CDH13: variants seen among roughly 807,000 people sequenced by gnomAD.
CDH13 encodes cadherin-13.
CDH13 carries 24 observed loss-of-function variants against 63.8 expected under a neutral mutation model. The ratio of observed to expected loss-of-function variants is 0.38; its 90% CI spans 0.27 to 0.53. CDH13 has a LOEUF of 0.53. CDH13 is among the 20% of genes least tolerant of loss of function. The pLI, the probability that CDH13 is intolerant of heterozygous loss-of-function variation, is 0.85. For synonymous variants in CDH13, 503 were observed against 355.3 expected (o/e 1.42, Z -4.67); for missense variants, 1,049 against 903.1 (o/e 1.16, Z -2.07).
At chr16:83,232,290 T>C (rs7193457) in intron 5 of CDH13, among the ~76,000 whole-genome samples, 142,570 of 144,746 alleles carry the variant, frequency 0.98, 70,256 homozygotes, top group Middle Eastern at 1. Flanking sequence ...CTTGGGAAGC[T>C]GAGGCGAGCA....
chr16:82,696,014 A>G (rs939932100), intron 1 of CDH13, among the ~76,000 whole-genome samples: 1 of 152,192 alleles, frequency 6.6e-6, no homozygotes. Flanking sequence ...TGTTTCTCTG[A>G]CAGTTACTTT....
chr16:83,000,929 ATGCCTATT>A (rs1912857350), intron 2 of CDH13, among the ~76,000 whole-genome samples: 7 of 152,150 alleles, frequency 4.6e-5, no homozygotes, highest in Admixed American at 2.6e-4. Context: ...TACTCATTCT[ATGCCTATT>A]TGCTTTTCTC....
chr16:83,200,963 G>C (rs1352163159), intron 4 of CDH13, among the ~76,000 whole-genome samples: 1 of 145,672 alleles, frequency 6.9e-6, no homozygotes. Context: ...GTGTGTGTGT[G>C]TGTGTGTGTT....
chr16:83,731,185 T>C (rs992375134), intron 10 of CDH13, among the ~76,000 whole-genome samples: 1 of 152,248 alleles, frequency 6.6e-6, no homozygotes, highest in Admixed American at 6.5e-5. Context: ...CACCCAGTAG[T>C]AGGATTGCTG....
chr16:83,017,042 T>C (rs1304250205), intron 2 of CDH13, among the ~76,000 whole-genome samples: 2 of 152,186 alleles, frequency 1.3e-5, no homozygotes, highest in African/African-American at 4.8e-5. Context: ...TTGATAAAAG[T>C]TATAGACAGA....
intron 8 of CDH13, among the ~76,000 whole-genome samples, chr16:83,669,319 G>A (rs1392793699): frequency 6.6e-6 from 1 of 152,122 alleles, no homozygotes; most frequent in African/African-American, 2.4e-5. Flanking sequence ...AATAGGACTC[G>A]GGAAGTTTTT....
intron 2 of CDH13, among the ~76,000 whole-genome samples, chr16:82,934,209 G>A (rs768724239): frequency 6.6e-5 from 10 of 152,302 alleles, no homozygotes; most frequent in Middle Eastern, 6.8e-3. Context: ...CTGAAGTCTA[G>A]GCAGATGTTC....
chr16:82,763,259 G>A (rs1026533208), intron 1 of CDH13, among the ~76,000 whole-genome samples: 2 of 152,128 alleles, frequency 1.3e-5, no homozygotes, highest in African/African-American at 2.4e-5. Context: ...CGTGCCTCCT[G>A]TCTCCTATCA....
intron 2 of CDH13, among the ~76,000 whole-genome samples, chr16:82,876,978 C>T (rs149797493): frequency 1.3e-5 from 2 of 152,262 alleles, no homozygotes; most frequent in Non-Finnish European, 2.9e-5. Flanking sequence ...AGCTCATATA[C>T]TATACAGTAA....
At chr16:83,076,493 C>T (rs537677056) in intron 3 of CDH13, among the ~76,000 whole-genome samples, 11 of 152,170 alleles carry the variant, frequency 7.2e-5, no homozygotes, top group African/African-American at 2.6e-4. Context: ...TGAACCGTGA[C>T]GTTTCCAGTA....
At chr16:83,695,090 C>G (rs915695882) in intron 10 of CDH13, among the ~76,000 whole-genome samples, 1 of 152,024 alleles carries the variant, frequency 6.6e-6, no homozygotes, top group Non-Finnish European at 1.5e-5. Context: ...GCCCATAGTC[C>G]CAGCTATTCA....
chr16:83,470,724 C>T (rs1423240014), intron 6 of CDH13, among the ~76,000 whole-genome samples: 4 of 152,250 alleles, frequency 2.6e-5, no homozygotes, highest in Non-Finnish European at 5.9e-5. Context: ...CAGAGCTGCA[C>T]GTCCTCTGCC....
intron 2 of CDH13, among the ~76,000 whole-genome samples, chr16:83,018,342 C>T (rs962719555): frequency 2.0e-5 from 3 of 152,214 alleles, no homozygotes; most frequent in East Asian, 1.9e-4. Flanking sequence ...CTTTAGTTGC[C>T]GTTTATCCCT....
At chr16:82,905,378 A>C (rs950043683) in intron 2 of CDH13, among the ~76,000 whole-genome samples, 4 of 152,116 alleles carry the variant, frequency 2.6e-5, no homozygotes, top group African/African-American at 9.7e-5. Context: ...AAGGAGGAAG[A>C]AGTTACCATA....
chr16:82,959,289 A>G (rs1906598267), intron 2 of CDH13, among the ~76,000 whole-genome samples: 1 of 152,238 alleles, frequency 6.6e-6, no homozygotes, highest in Non-Finnish European at 1.5e-5. Flanking sequence ...TAATTAAAGG[A>G]CATTCATTTC....
At chr16:82,655,698 T>G (rs368870439) in intron 1 of CDH13, among the ~76,000 whole-genome samples, 240 of 152,296 alleles carry the variant, frequency 1.6e-3, no homozygotes, top group African/African-American at 5.4e-3. Context: ...CACAGGCTAT[T>G]TTTTTCTTGT....
intron 3 of CDH13, among the ~76,000 whole-genome samples, chr16:83,034,989 C>G (rs1916717849): frequency 6.6e-6 from 1 of 151,832 alleles, no homozygotes; most frequent in Non-Finnish European, 1.5e-5. Context: ...CAGACTTCAG[C>G]AGAATGGGGC....
intron 10 of CDH13, among the ~76,000 whole-genome samples, chr16:83,722,304 T>C (rs965232554): frequency 1.3e-5 from 2 of 152,224 alleles, no homozygotes; most frequent in Non-Finnish European, 2.9e-5. Context: ...ATGCATGTAG[T>C]GCCAGCTACA....
intron 2 of CDH13, among the ~76,000 whole-genome samples, chr16:82,886,800 C>G (rs963990337): frequency 6.6e-6 from 1 of 152,132 alleles, no homozygotes. Flanking sequence ...AGTCCATTCC[C>G]AAGTGACTCG....
Sources: allele counts gnomAD v4.1 joint callset (sites outside exome capture counted in the v4.1 genomes callset), GRCh38; gene constraint gnomAD v4.1.1; transcripts MANE v1.5; gene names NCBI Gene and HGNC (gene_info 2026-07-23, HGNC 2026-07-21).